Variants in RALA observed in about 807,000 individuals in gnomAD.
RALA encodes RAS like proto-oncogene A.
A neutral mutation model predicts 24.0 loss-of-function variants in RALA; 5 were observed. The observed-to-expected ratio is 0.21, with a 90% CI of 0.11 to 0.44. The LOEUF (loss-of-function observed/expected upper bound fraction) is 0.44. Ranked by LOEUF, RALA falls within the 20% of genes least tolerant of loss-of-function variation. The pLI, the probability that RALA is intolerant of heterozygous loss-of-function variation, is 0.99. For missense variants in RALA, 95 were observed against 241.2 expected, an observed-to-expected ratio of 0.39 and a Z score of 4.01; for synonymous variants, 77 against 83.8, an observed-to-expected ratio of 0.92 and a Z score of 0.44.
intron 4 of RALA, among the ~76,000 whole-genome samples, chr7:39,698,083 T>C (rs1376645247): frequency 6.6e-6 from 1 of 152,084 alleles, no homozygotes; most frequent in East Asian, 1.9e-4. Context: ...GGAGAGGGCT[T>C]TCTTCCTGAT....
At chr7:39,695,074 A>T (rs1792894902) in intron 3 of RALA, among the ~76,000 whole-genome samples, 2 of 151,890 alleles carry the variant, frequency 1.3e-5, no homozygotes, top group South Asian at 2.1e-4. Context: ...AAAGAAAAAA[A>T]AAAAAAGTCT....
At chr7:39,691,817 G>A (rs1337915842) in intron 3 of RALA, among the ~76,000 whole-genome samples, 1 of 152,156 alleles carries the variant, frequency 6.6e-6, no homozygotes, top group Non-Finnish European at 1.5e-5. Flanking sequence ...AATTGTGGGA[G>A]ACATGTTGAA....
intron 1 of RALA, among the ~76,000 whole-genome samples, chr7:39,685,644 G>A (rs1792686260): frequency 6.6e-6 from 1 of 151,398 alleles, no homozygotes; most frequent in South Asian, 2.1e-4. Context: ...TTAAACAGTG[G>A]ATGCTCTGAG....
At chr7:39,640,688 C>G (rs1791797733) in intron 1 of RALA, among the ~76,000 whole-genome samples, 2 of 152,164 alleles carry the variant, frequency 1.3e-5, no homozygotes, top group South Asian at 4.1e-4. Flanking sequence ...ATCTTCTGGT[C>G]TTAATTCTTC....
chr7:39,654,134 C>T (rs1193080547), intron 1 of RALA, among the ~76,000 whole-genome samples: 1 of 152,196 alleles, frequency 6.6e-6, no homozygotes, highest in African/African-American at 2.4e-5. Flanking sequence ...TACACAGTCA[C>T]ATCACCCTAT....
intron 1 of RALA, among the ~76,000 whole-genome samples, chr7:39,675,498 T>C (rs73128970): frequency 0.014 from 2,139 of 152,258 alleles, 22 homozygotes; most frequent in Non-Finnish European, 0.022. Context: ...CATGGAGGCC[T>C]AGGCGGGAGG....
At chr7:39,697,580 G>T (rs967536884) in intron 4 of RALA, 1 of 355,020 alleles carries the variant, frequency 2.8e-6, no homozygotes, top group Admixed American at 3.4e-5. Flanking sequence ...GCTCTATAGT[G>T]TGCCTCTCAA....
At position 39,668,966 on chromosome 7, in the gene RALA, T is replaced by C. The variant is rs1352724727; in HGVS notation, c.-37-17665T>C. 4.4e-4 allele frequency among the ~76,000 whole-genome samples: 64 copies of C among 143,996 alleles called. No individual in the cohort carries two copies. The Middle Eastern group carries it at 0.012, about 27-fold the overall frequency. The allele number at this position is 143,996 out of a possible 152,430, so 94.5% of individuals were successfully genotyped here. A position where few individuals can be genotyped will look rare whatever the true frequency, so the allele number is the denominator to read the frequency against. The stretch of plus-strand genomic sequence containing the variant: ...CCATCTCTACTAAAAATACAAAAAT[T>C]AGCTGGGCATGGTGGCGGTTGCCTG... On this transcript the variant is annotated intron_variant, in intron 1 of 4. Coordinates refer to ENST00000005257, the MANE Select transcript of RALA (RefSeq NM_005402.4).
At chr7:39,629,777 A>G (rs1562605540) in intron 1 of RALA, among the ~76,000 whole-genome samples, 1 of 151,586 alleles carries the variant, frequency 6.6e-6, no homozygotes, top group Non-Finnish European at 1.5e-5. Flanking sequence ...TTGTACTTTT[A>G]GTAGAGATGG....
intron 1 of RALA, among the ~76,000 whole-genome samples, chr7:39,644,678 C>G (rs867386964): frequency 1.2e-3 from 178 of 152,248 alleles, no homozygotes; most frequent in African/African-American, 3.8e-3. Context: ...GAGTACTGCC[C>G]TTTATTCTTA....
chr7:39,696,218 G>A (rs1316539415), intron 3 of RALA, among the ~76,000 whole-genome samples: 2 of 152,134 alleles, frequency 1.3e-5, no homozygotes, highest in East Asian at 3.8e-4. Context: ...AACAATTGGT[G>A]GGACCCTTGA....
chr7:39,688,048 A>AC lies in RALA; in HGVS notation c.114+1273dup, dbSNP rs1792739738. 2.0e-5 allele frequency among the ~76,000 whole-genome samples: 3 copies of AC among 151,508 alleles called. No homozygotes were observed. In the South Asian group the frequency reaches 6.3e-4, roughly 32 times the overall value. On this transcript the variant is annotated intron_variant, in intron 2 of 4. Transcript: ENST00000005257. ...TTACAGGTATGAGCCAGTGCACCCA[A>AC]CCCCCCATGTCTTTTTCTGTTGCCT...
intron 1 of RALA, among the ~76,000 whole-genome samples, chr7:39,680,728 C>G (rs1337622840): frequency 6.6e-6 from 1 of 151,980 alleles, no homozygotes; most frequent in Non-Finnish European, 1.5e-5. Context: ...TTCCAGTTGG[C>G]TTGACAATTG....
intron 1 of RALA, among the ~76,000 whole-genome samples, chr7:39,651,822 A>G (rs1792022837): frequency 6.6e-6 from 1 of 152,126 alleles, no homozygotes; most frequent in Non-Finnish European, 1.5e-5. Flanking sequence ...AGTGTTATTC[A>G]GTACTCAGTG....
intron 3 of RALA, among the ~76,000 whole-genome samples, chr7:39,695,073 A>G (rs1265670479): frequency 6.6e-6 from 1 of 151,880 alleles, no homozygotes; most frequent in Non-Finnish European, 1.5e-5. Flanking sequence ...AAAAGAAAAA[A>G]AAAAAAAGTC....
rs554908312 is a variant in RALA at position 39,631,259 on chromosome 7, C to T, written c.-38+7434C>T. 1.5e-3 allele frequency among the ~76,000 whole-genome samples: 228 copies of T among 152,314 alleles called. 3 individuals are homozygous for T. The highest frequency in any genetic ancestry group is 5.1e-3 in the African/African-American group (214 of 41,568). Reference sequence around the variant, plus strand: ...CTGGCCTCAAGTGATCCACCTGCCTCGGCCTTCCAAAGCACTGGGATTACA... The same window carrying T: ...CTGGCCTCAAGTGATCCACCTGCCTTGGCCTTCCAAAGCACTGGGATTACA... On this transcript the variant is annotated intron_variant, in intron 1 of 4. Coordinates refer to ENST00000005257, the MANE Select transcript of RALA (RefSeq NM_005402.4).
At chr7:39,639,938 A>G (rs1199590039) in intron 1 of RALA, among the ~76,000 whole-genome samples, 1 of 150,860 alleles carries the variant, frequency 6.6e-6, no homozygotes, top group African/African-American at 2.5e-5. Flanking sequence ...ATTAAAACCG[A>G]ATCATGATGA....
intron 1 of RALA, among the ~76,000 whole-genome samples, chr7:39,636,034 G>A (rs1452544157): frequency 6.6e-6 from 1 of 152,196 alleles, no homozygotes; most frequent in Non-Finnish European, 1.5e-5. Flanking sequence ...GTAGCATGCG[G>A]CAATACTTCA....
chr7:39,630,974 A>C (rs1464878434), intron 1 of RALA, among the ~76,000 whole-genome samples: 2 of 150,738 alleles, frequency 1.3e-5, no homozygotes, highest in Non-Finnish European at 2.9e-5. Context: ...AATTTGTCTA[A>C]GTCTATGAAA....
Sources: gnomAD v4.1 joint callset for allele counts (sites outside exome capture counted in the v4.1 genomes callset) on GRCh38, gnomAD v4.1.1 for gene constraint, MANE v1.5 for transcripts, NCBI Gene and HGNC (gene_info 2026-07-23, HGNC 2026-07-21) for gene names.